The following FOCAD variants were observed in gnomAD, a reference collection of about 807,000 sequenced individuals.
The protein encoded by FOCAD is KIAA1797.
In FOCAD, 198 loss-of-function variants were observed where a neutral mutation model predicts 225.6. That is an observed-to-expected ratio of 0.88 (90% CI 0.78 to 0.99). FOCAD has a LOEUF of 0.99. FOCAD is among the 50% of genes least tolerant of loss of function. The probability of loss-of-function intolerance (pLI) is 0.00; values close to 1 mark genes in which losing one functional copy is unlikely to be tolerated. For missense variants in FOCAD, 2,713 were observed against 2,123.6 expected, an observed-to-expected ratio of 1.28 and a Z score of -5.46; for synonymous variants, 897 against 755.0, an observed-to-expected ratio of 1.19 and a Z score of -3.08.
chr9:20,813,881 A>G (rs756806669), intron 11 of FOCAD, among the ~76,000 whole-genome samples: 23 of 152,144 alleles, frequency 1.5e-4, no homozygotes, highest in African/African-American at 4.1e-4. Context: ...GGTTCTGTCA[A>G]TGTTTGCTTT....
At chr9:20,717,723 A>G (rs1481677289) in intron 2 of FOCAD, 71 bp from the exon 3 acceptor site, 1 of 1,189,850 alleles carries the variant, frequency 8.4e-7, no homozygotes, top group Non-Finnish European at 1.2e-6. Context: ...TGGCATACTC[A>G]TATCAACTAG....
chr9:20,768,705 G>C (rs1313309632), intron 7 of FOCAD, among the ~76,000 whole-genome samples: 3 of 152,108 alleles, frequency 2.0e-5, no homozygotes, highest in Non-Finnish European at 4.4e-5. Context: ...CAACCTTGTT[G>C]ACCAATCATG....
chr9:20,680,871 T>G (rs1822380554), upstream of FOCAD, among the ~76,000 whole-genome samples: 2 of 152,146 alleles, frequency 1.3e-5, no homozygotes, highest in African/African-American at 4.8e-5. Flanking sequence ...CTGTGGTGTG[T>G]GCCTGCAGAC....
chr9:20,789,979 T>C (rs1407859382), intron 11 of FOCAD, among the ~76,000 whole-genome samples: 1 of 152,206 alleles, frequency 6.6e-6, no homozygotes, highest in East Asian at 1.9e-4. Flanking sequence ...GGACACAGAT[T>C]AATCAATTCA....
intron 10 of FOCAD, chr9:20,787,096 A>T: frequency 3.7e-6 from 1 of 273,166 alleles, no homozygotes; most frequent in Non-Finnish European, 7.4e-6. Context: ...ACAAACAAAC[A>T]AATAAACAAA....
Position 20,986,489 on chromosome 9 carries a change from T to A in FOCAD, c.4906+24T>A, listed in dbSNP as rs113775005. On this transcript the variant is annotated intron_variant, in intron 40 of 43. Coordinates refer to ENST00000338382, the MANE Select transcript of FOCAD (RefSeq NM_001375567.1). Reference sequence around the variant, plus strand: ...GGGTGAGGACACCCTGGGGTGAACATCAGAAACAGGAATAGATCTGCCTGC... The same window carrying A: ...GGGTGAGGACACCCTGGGGTGAACAACAGAAACAGGAATAGATCTGCCTGC... The A allele has an allele frequency of 8.3e-6, 13 of 1,568,720 alleles. No homozygotes were observed. In the African/African-American group the frequency reaches 9.6e-5, roughly 12 times the overall value.
intron 27 of FOCAD, among the ~76,000 whole-genome samples, chr9:20,932,543 G>A (rs547837120): frequency 2.3e-4 from 35 of 152,150 alleles, no homozygotes; most frequent in Middle Eastern, 6.8e-3. Context: ...AAAAAAGTAA[G>A]TAAAGGAATA....
intron 16 of FOCAD, among the ~76,000 whole-genome samples, chr9:20,865,516 C>T (rs1405987675): frequency 1.3e-5 from 2 of 151,942 alleles, no homozygotes; most frequent in Non-Finnish European, 2.9e-5. Context: ...CAGTCACTGC[C>T]TTAAGTATTG....
Position 20,953,025 on chromosome 9 carries a change from T to C in FOCAD, c.4092T>C (p.Ile1364=), listed in dbSNP as rs750109947. The change falls in exon 35 of 44, where the codon ATT becomes ATC. Residue 1364 remains isoleucine, a synonymous_variant. Transcript: ENST00000338382. ...GCTACTTGCCTGAAAGCAGTTTTAT[T>C]GGAGCAGCTATTGGCTTCTTCATTA... ...DYSYLPESSF[I]GAAIGFFITG... 3 of 1,613,652 alleles carry C rather than the reference T, an allele frequency of 1.9e-6. No individual in the cohort carries two copies. The highest frequency in any genetic ancestry group is 2.5e-6 in the Non-Finnish European group (3 of 1,179,792).
intron 1 of FOCAD, among the ~76,000 whole-genome samples, chr9:20,714,267 A>AT (rs1825119720): frequency 1.3e-5 from 2 of 152,152 alleles, no homozygotes; most frequent in African/African-American, 4.8e-5. Flanking sequence ...AAAGTTTCAG[A>AT]TTTTGTAACA....
At position 20,949,415 on chromosome 9, in the gene FOCAD, A is replaced by T. The variant is rs549651812; in HGVS notation, c.3877-189A>T. ...TTACATGCCACAGTGAACAGGTACC[A>T]GGAAATCAATGATAGATAAAGCATG... On this transcript the variant is annotated intron_variant, in intron 32 of 43. Coordinates refer to ENST00000338382, the MANE Select transcript of FOCAD (RefSeq NM_001375567.1). Among the ~76,000 whole-genome samples, 4 of 152,336 alleles carry T rather than the reference A, an allele frequency of 2.6e-5. No individual in the cohort carries two copies. In the South Asian group the frequency reaches 8.3e-4, roughly 32 times the overall value.
intron 9 of FOCAD, among the ~76,000 whole-genome samples, chr9:20,781,112 A>C (rs948726834): frequency 6.6e-6 from 1 of 152,270 alleles, no homozygotes; most frequent in Admixed American, 6.5e-5. Flanking sequence ...TAACTCATTC[A>C]GTTAATAGTC....
chr9:20,849,345 C>G (rs1476197941), intron 15 of FOCAD, among the ~76,000 whole-genome samples: 2 of 151,700 alleles, frequency 1.3e-5, no homozygotes, highest in African/African-American at 4.8e-5. Context: ...TCTCCTTTCC[C>G]CCAACAGTTA....
chr9:20,695,836 A>G (rs1162287846), intron 1 of FOCAD, among the ~76,000 whole-genome samples: 2 of 152,248 alleles, frequency 1.3e-5, no homozygotes, highest in African/African-American at 4.8e-5. Context: ...TTAGGTATGA[A>G]TTGAATATAA....
chr9:20,720,965 A>T (rs1437256831), intron 4 of FOCAD, among the ~76,000 whole-genome samples: 2 of 152,192 alleles, frequency 1.3e-5, no homozygotes, highest in Non-Finnish European at 2.9e-5. Context: ...TTTCTCAAAT[A>T]TTTTGTGATT....
In FOCAD at chr9:20,882,002, A is replaced by G. The variant is rs759385957; in HGVS notation, c.2449A>G (p.Ile817Val). The G allele has an allele frequency of 1.2e-5, 19 of 1,613,948 alleles. No individual in the cohort carries two copies. Among genetic ancestry groups the G allele is most frequent in the Non-Finnish European group, 1.6e-5 (19 of 1,179,868 alleles). Reference protein sequence around the residue: ...GKTVAGIPNFILKMYETNKQP... With the variant: ...GKTVAGIPNFVLKMYETNKQP... Reference sequence around the variant, plus strand: ...GACTGTAGCAGGAATCCCCAATTTTATATTGAAAATGTATGAAACAAACAA... The same window carrying G: ...GACTGTAGCAGGAATCCCCAATTTTGTATTGAAAATGTATGAAACAAACAA... The change falls in exon 20 of 44, where the codon ATA becomes GTA. Residue 817 changes from isoleucine to valine, a missense_variant. Physicochemically the swap from Ile to Val is conservative, Grantham distance 29. Coordinates refer to ENST00000338382, the MANE Select transcript of FOCAD (RefSeq NM_001375567.1).
intron 11 of FOCAD, among the ~76,000 whole-genome samples, chr9:20,805,965 T>C (rs1822406595): frequency 6.6e-6 from 1 of 152,222 alleles, no homozygotes; most frequent in South Asian, 2.1e-4. Flanking sequence ...TAGGCAACTC[T>C]CTTGGCTGCC....
chr9:20,886,942 A>G (rs1831149135), intron 21 of FOCAD, among the ~76,000 whole-genome samples: 1 of 152,238 alleles, frequency 6.6e-6, no homozygotes, highest in East Asian at 1.9e-4. Flanking sequence ...TCAAGGTCAC[A>G]TAGCTAACAA....
chr9:20,916,970 T>A (rs763692721), intron 24 of FOCAD, 33 bp downstream of exon 24: 1 of 1,559,676 alleles, frequency 6.4e-7, no homozygotes, highest in Non-Finnish European at 8.7e-7. Flanking sequence ...TCAAACATTT[T>A]TTATAAATAC....
Sources: gnomAD v4.1 joint callset for allele counts (sites outside exome capture counted in the v4.1 genomes callset) on GRCh38, gnomAD v4.1.1 for gene constraint, MANE v1.5 for transcripts, NCBI Gene and HGNC (gene_info 2026-07-23, HGNC 2026-07-21) for gene names.